Variants in GRM8 observed in about 807,000 individuals in gnomAD.
GRM8 encodes glutamate metabotropic receptor 8.
GRM8 carries 47 observed loss-of-function variants against 87.2 expected under a neutral mutation model. The observed-to-expected ratio is 0.54, with a 90% CI of 0.43 to 0.69. The LOEUF is 0.69. Among genes scored for constraint, GRM8 ranks in the 30% least tolerant of loss-of-function variants. GRM8 has a pLI of 0.00. For synonymous variants in GRM8, 396 were observed against 404.5 expected, an observed-to-expected ratio of 0.98 and a Z score of 0.25; for missense variants, 1,019 against 1,139.2, an observed-to-expected ratio of 0.89 and a Z score of 1.52.
chr7:126,674,151 T>A (rs140380640), intron 7 of GRM8, among the ~76,000 whole-genome samples: 431 of 152,320 alleles, frequency 2.8e-3, no homozygotes, highest in Non-Finnish European at 4.2e-3. Flanking sequence ...CGCCACTGAT[T>A]CCACAAAATC....
chr7:127,238,206 T>C (rs573080108), intron 2 of GRM8, among the ~76,000 whole-genome samples: 1 of 152,206 alleles, frequency 6.6e-6, no homozygotes, highest in South Asian at 2.1e-4. Context: ...TTATCCTAAT[T>C]GATACTTCTG....
At chr7:127,147,669 G>A (rs1337053800) in intron 2 of GRM8, among the ~76,000 whole-genome samples, 1 of 151,960 alleles carries the variant, frequency 6.6e-6, no homozygotes, top group Non-Finnish European at 1.5e-5. Flanking sequence ...CTTTTTAGAA[G>A]CTTTTCAGAA....
intron 3 of GRM8, among the ~76,000 whole-genome samples, chr7:126,953,593 T>C (rs1057181220): frequency 2.0e-5 from 3 of 152,118 alleles, no homozygotes; most frequent in Non-Finnish European, 2.9e-5. Context: ...CAAGTTTTTT[T>C]TTCTTCTTCT....
At chr7:126,671,251 C>T (rs915387854) in intron 7 of GRM8, among the ~76,000 whole-genome samples, 3 of 152,194 alleles carry the variant, frequency 2.0e-5, no homozygotes, top group Non-Finnish European at 2.9e-5. Flanking sequence ...GAAAATCACC[C>T]AACTCACGGG....
intron 3 of GRM8, among the ~76,000 whole-genome samples, chr7:126,961,426 G>A (rs1809308042): frequency 6.6e-6 from 1 of 152,184 alleles, no homozygotes; most frequent in Non-Finnish European, 1.5e-5. Flanking sequence ...CCGTGTGTAA[G>A]TGAATATAAC....
intron 7 of GRM8, among the ~76,000 whole-genome samples, chr7:126,681,232 T>TC (rs991978885): frequency 3.3e-5 from 5 of 152,130 alleles, no homozygotes; most frequent in Admixed American, 6.5e-5. Flanking sequence ...CCACTAGAAC[T>TC]CCCCCCTATT....
chr7:127,239,984 T>C (rs1358332739), intron 2 of GRM8, among the ~76,000 whole-genome samples: 1 of 152,174 alleles, frequency 6.6e-6, no homozygotes, highest in African/African-American at 2.4e-5. Flanking sequence ...ATGTTAGTCA[T>C]GACATCTACC....
chr7:126,673,449 A>C (rs968251515), intron 7 of GRM8, among the ~76,000 whole-genome samples: 1 of 152,190 alleles, frequency 6.6e-6, no homozygotes, highest in East Asian at 1.9e-4. Context: ...GTAATGCACA[A>C]TGGTTTGAGA....
At chr7:126,658,131 G>A (rs1027868718) in intron 7 of GRM8, among the ~76,000 whole-genome samples, 3 of 152,172 alleles carry the variant, frequency 2.0e-5, no homozygotes, top group African/African-American at 7.2e-5. Flanking sequence ...AAGAGAAGTA[G>A]GCAGAAAGAA....
At chr7:127,020,639 G>GTA (rs1342848681) in intron 3 of GRM8, among the ~76,000 whole-genome samples, 1 of 151,966 alleles carries the variant, frequency 6.6e-6, no homozygotes. Flanking sequence ...GGTGTGAATG[G>GTA]TATCATCATC....
At chr7:126,526,902 G>GT (rs774480844) in intron 9 of GRM8, among the ~76,000 whole-genome samples, 22 of 151,672 alleles carry the variant, frequency 1.5e-4, no homozygotes, top group Non-Finnish European at 2.9e-4. Flanking sequence ...TTCTTTTCCA[G>GT]TTTTTTTAAA....
intron 2 of GRM8, among the ~76,000 whole-genome samples, chr7:127,178,369 C>T (rs1292064854): frequency 6.6e-6 from 1 of 152,086 alleles, no homozygotes; most frequent in Non-Finnish European, 1.5e-5. Context: ...ACAACCAAAC[C>T]TAAGAATAAT....
chr7:127,148,380 C>A lies in GRM8; in HGVS notation c.511-41668G>T, dbSNP rs140318780. On this transcript the variant is annotated intron_variant, in intron 2 of 10. Transcript: ENST00000339582. ...ATAGCAATACAATGATCATAGGGGACTTCAATACCCCACTTTCAACAATAG... is the reference window on the plus strand; with the variant it reads ...ATAGCAATACAATGATCATAGGGGAATTCAATACCCCACTTTCAACAATAG... 2.0e-5 allele frequency among the ~76,000 whole-genome samples: 3 copies of A among 151,304 alleles called. No homozygotes were observed. The South Asian group carries it at 6.2e-4, about 31-fold the overall frequency.
chr7:127,187,812 T>C (rs1461900728), intron 2 of GRM8, among the ~76,000 whole-genome samples: 1 of 152,200 alleles, frequency 6.6e-6, no homozygotes, highest in Non-Finnish European at 1.5e-5. Context: ...CTTTATATCA[T>C]CTTCCTGTTC....
intron 6 of GRM8, among the ~76,000 whole-genome samples, chr7:126,786,832 G>C (rs927443690): frequency 6.6e-6 from 1 of 152,148 alleles, no homozygotes; most frequent in Non-Finnish European, 1.5e-5. Context: ...AGCTGGATGT[G>C]CCAATCTAAT....
intron 8 of GRM8, among the ~76,000 whole-genome samples, chr7:126,571,092 G>A (rs1794653898): frequency 1.3e-5 from 2 of 152,074 alleles, no homozygotes; most frequent in Non-Finnish European, 2.9e-5. Context: ...GCTGTTCATC[G>A]CTCCAGAGCC....
At chr7:126,643,843 G>A (rs1802739661) in intron 7 of GRM8, among the ~76,000 whole-genome samples, 1 of 152,242 alleles carries the variant, frequency 6.6e-6, no homozygotes, top group Non-Finnish European at 1.5e-5. Flanking sequence ...AAGTGAAGAG[G>A]TCAAGATCAG....
At chr7:126,756,440 ACTT>A (rs765077175) in intron 7 of GRM8, among the ~76,000 whole-genome samples, 5 of 152,048 alleles carry the variant, frequency 3.3e-5, no homozygotes, top group Non-Finnish European at 5.9e-5. Flanking sequence ...AAAATGAAAA[ACTT>A]CTGCTCTAGA....
At chr7:126,788,420 A>ACAAAAACAAAACAAAAAAAAAAAAAAC (rs1554492200) in intron 6 of GRM8, among the ~76,000 whole-genome samples, 1 of 81,138 alleles carries the variant, frequency 1.2e-5, no homozygotes, top group African/African-American at 4.6e-5. Flanking sequence ...AAAAAAAAAA[A>ACAAAAACAAAACAAAAAAAAAAAAAAC]AAACCCTTTC....
Sources: allele counts gnomAD v4.1 joint callset (sites outside exome capture counted in the v4.1 genomes callset), GRCh38; gene constraint gnomAD v4.1.1; transcripts MANE v1.5; gene names NCBI Gene and HGNC (gene_info 2026-07-23, HGNC 2026-07-21).